Variants in UBE2G1 observed in about 807,000 individuals in gnomAD.
UBE2G1 encodes ubiquitin conjugating enzyme E2 G1, also known as ubiquitin-conjugating enzyme E2 G1.
In UBE2G1, 5 loss-of-function variants were observed where a neutral mutation model predicts 22.7. That is an observed-to-expected ratio of 0.22 (90% CI 0.12 to 0.46). The LOEUF is 0.46. Ranked by LOEUF, UBE2G1 falls within the 20% of genes least tolerant of loss-of-function variation. The probability of loss-of-function intolerance (pLI) is 0.99; values close to 1 mark genes in which losing one functional copy is unlikely to be tolerated. For missense variants in UBE2G1, 88 were observed against 203.9 expected, an observed-to-expected ratio of 0.43 and a Z score of 3.46; for synonymous variants, 74 against 67.5, an observed-to-expected ratio of 1.10 and a Z score of -0.47.
intron 2 of UBE2G1, chr17:4,302,403 G>A (rs931834889): frequency 1.2e-5 from 6 of 504,796 alleles, no homozygotes; most frequent in East Asian, 5.5e-5. Context: ...CCTATTCATC[G>A]CTTGCCTGTG....
intron 1 of UBE2G1, among the ~76,000 whole-genome samples, chr17:4,359,046 C>T (rs193139423): frequency 2.6e-5 from 4 of 151,690 alleles, no homozygotes; most frequent in African/African-American, 9.7e-5. Context: ...ATATACCTTA[C>T]ATAAGAATAT....
chr17:4,312,676 A>G (rs1182637927), intron 1 of UBE2G1, among the ~76,000 whole-genome samples: 2 of 137,434 alleles, frequency 1.5e-5, no homozygotes, highest in Non-Finnish European at 3.1e-5. Context: ...AGCCTGGGCG[A>G]TAGAGCAAGA....
intron 1 of UBE2G1, among the ~76,000 whole-genome samples, chr17:4,361,265 G>A (rs1490808246): frequency 6.7e-6 from 1 of 148,878 alleles, no homozygotes; most frequent in Non-Finnish European, 1.5e-5. Flanking sequence ...GGTGGCTCAC[G>A]CCAGTAATCC....
At chr17:4,342,641 C>T (rs1369154758) in intron 1 of UBE2G1, among the ~76,000 whole-genome samples, 2 of 152,180 alleles carry the variant, frequency 1.3e-5, no homozygotes, top group Non-Finnish European at 2.9e-5. Flanking sequence ...TTAGGAAATA[C>T]ACCCAAGAAT....
chr17:4,343,418 T>G (rs528500713), intron 1 of UBE2G1, among the ~76,000 whole-genome samples: 1 of 152,034 alleles, frequency 6.6e-6, no homozygotes, highest in South Asian at 2.1e-4. Context: ...GCAGAAGAAT[T>G]GCTTTAACCC....
intron 1 of UBE2G1, among the ~76,000 whole-genome samples, chr17:4,330,078 G>T (rs1969553109): frequency 2.0e-5 from 3 of 151,996 alleles, no homozygotes; most frequent in South Asian, 4.2e-4. Flanking sequence ...TGACGTAAAA[G>T]ACTAGTTTAG....
intron 3 of UBE2G1, among the ~76,000 whole-genome samples, chr17:4,291,098 C>T (rs1198976853): frequency 1.3e-5 from 2 of 152,150 alleles, no homozygotes; most frequent in African/African-American, 2.4e-5. Flanking sequence ...TGGTGGCTCA[C>T]GCCTGTAATC....
chr17:4,361,984 CA>C (rs1708607961), intron 1 of UBE2G1, among the ~76,000 whole-genome samples: 1 of 134,310 alleles, frequency 7.4e-6, no homozygotes, highest in Non-Finnish European at 1.6e-5. Flanking sequence ...AAAAAAAAGA[CA>C]TATTTGTCAA....
chr17:4,284,600 C>CA (rs575485437), intron 4 of UBE2G1, among the ~76,000 whole-genome samples: 2,774 of 141,388 alleles, frequency 0.02, 53 homozygotes, highest in Non-Finnish European at 0.028. Context: ...GAATCTGTCT[C>CA]AAAAAAAAAA....
intron 4 of UBE2G1, 23 bp downstream of exon 4, chr17:4,289,207 G>A: frequency 6.7e-7 from 1 of 1,493,216 alleles, no homozygotes; most frequent in South Asian, 1.4e-5. Flanking sequence ...GTGAAGGGAA[G>A]GGAAGACGTG....
At chr17:4,349,428 CACA>C (rs977490328) in intron 1 of UBE2G1, among the ~76,000 whole-genome samples, 1 of 152,138 alleles carries the variant, frequency 6.6e-6, no homozygotes, top group Non-Finnish European at 1.5e-5. Context: ...TTGTCATTCA[CACA>C]ACACCAGAAC....
At chr17:4,341,298 T>G (rs1018346090) in intron 1 of UBE2G1, among the ~76,000 whole-genome samples, 1 of 152,218 alleles carries the variant, frequency 6.6e-6, no homozygotes, top group Admixed American at 6.5e-5. Flanking sequence ...GAGATAAGTA[T>G]GAAAATGTTC....
rs959194110 is a variant in UBE2G1, at chr17:4,272,021, A to G, written c.*533T>C. The G allele has an allele frequency of 6.5e-6, 1 of 152,676 alleles. No homozygotes were observed. Among genetic ancestry groups the G allele is most frequent in the Admixed American group, 6.5e-5 (1 of 15,308 alleles). The allele number at this position is 152,676 out of a possible 1,614,324, so 9.5% of individuals were successfully genotyped here. ...GGGAGTGTGTCAAAACAAAGAAGAT[A>G]CAAAAGTTTAGTAAGTGAAAAGAGT... On this transcript the variant is annotated 3_prime_UTR_variant, in exon 6 of 6. Coordinates refer to ENST00000396981, the MANE Select transcript of UBE2G1 (RefSeq NM_003342.5).
chr17:4,323,766 G>C (rs1274697577), intron 1 of UBE2G1, among the ~76,000 whole-genome samples: 1 of 152,076 alleles, frequency 6.6e-6, no homozygotes, highest in African/African-American at 2.4e-5. Flanking sequence ...TCATGGTCTC[G>C]AAGTGGGCTC....
At chr17:4,325,990 G>A (rs536724291) in intron 1 of UBE2G1, among the ~76,000 whole-genome samples, 4 of 151,910 alleles carry the variant, frequency 2.6e-5, no homozygotes, top group Admixed American at 6.6e-5. Flanking sequence ...AAACTTAAAC[G>A]TAAGAGCTAA....
chr17:4,290,011 T>A (rs987561365), intron 3 of UBE2G1, among the ~76,000 whole-genome samples: 1 of 152,202 alleles, frequency 6.6e-6, no homozygotes, highest in Non-Finnish European at 1.5e-5. Flanking sequence ...CTCCTTTCTA[T>A]AAACACATTT....
intron 1 of UBE2G1, among the ~76,000 whole-genome samples, chr17:4,316,740 T>C (rs1333838470): frequency 3.3e-5 from 5 of 152,054 alleles, no homozygotes; most frequent in African/African-American, 9.6e-5. Flanking sequence ...ATCTCAGTGC[T>C]TTGGGAGGTC....
chr17:4,311,634 G>A (rs533128544), intron 1 of UBE2G1, among the ~76,000 whole-genome samples: 1 of 152,176 alleles, frequency 6.6e-6, no homozygotes, highest in Non-Finnish European at 1.5e-5. Flanking sequence ...AGGGAGAAAG[G>A]GGGCGTAATT....
At chr17:4,316,292 AT>A (rs1328901048) in intron 1 of UBE2G1, among the ~76,000 whole-genome samples, 1 of 151,818 alleles carries the variant, frequency 6.6e-6, no homozygotes, top group Admixed American at 6.6e-5. Context: ...TAAAGTAACT[AT>A]TTTTACTGCA....
Sources: allele counts gnomAD v4.1 joint callset (sites outside exome capture counted in the v4.1 genomes callset), GRCh38; gene constraint gnomAD v4.1.1; transcripts MANE v1.5; gene names NCBI Gene and HGNC (gene_info 2026-07-23, HGNC 2026-07-21).